PDE7B: variants seen among roughly 807,000 people sequenced by gnomAD.
The protein encoded by PDE7B is 3',5'-cyclic-AMP phosphodiesterase 7B.
PDE7B carries 29 observed loss-of-function variants against 56.2 expected under a neutral mutation model. The observed-to-expected ratio is 0.52, with a 90% CI of 0.38 to 0.70. The LOEUF (loss-of-function observed/expected upper bound fraction) is 0.70, where lower values mean the gene tolerates loss of function less well. Ranked by LOEUF, PDE7B falls within the 30% of genes least tolerant of loss-of-function variation. The pLI is 0.00. For missense variants in PDE7B, 490 were observed against 565.0 expected (o/e 0.87, Z 1.35); for synonymous variants, 197 against 196.9 (o/e 1.00, Z 0.00).
chr6:136,030,245 A>G (rs552178478), intron 2 of PDE7B, among the ~76,000 whole-genome samples: 5 of 152,342 alleles, frequency 3.3e-5, no homozygotes, highest in Admixed American at 6.5e-5. Flanking sequence ...AGTTAACTGT[A>G]CATATTTTTA....
chr6:136,092,192 A>G (rs1391648716), intron 2 of PDE7B, among the ~76,000 whole-genome samples: 1 of 152,240 alleles, frequency 6.6e-6, no homozygotes, highest in East Asian at 1.9e-4. Context: ...GCTGTTTACC[A>G]TCTCCAAAAT....
chr6:136,016,742 A>G (rs895388108), intron 2 of PDE7B, among the ~76,000 whole-genome samples: 1 of 152,160 alleles, frequency 6.6e-6, no homozygotes, highest in African/African-American at 2.4e-5. Context: ...ACAGAACTGG[A>G]AAGGCAGAAG....
chr6:135,875,476 A>T (rs1016753655), intron 1 of PDE7B, among the ~76,000 whole-genome samples: 1 of 152,174 alleles, frequency 6.6e-6, no homozygotes, highest in Non-Finnish European at 1.5e-5. Flanking sequence ...TAAGAAACTT[A>T]CTGAAATCAT....
chr6:135,934,786 A>C (rs1358583235), intron 1 of PDE7B, among the ~76,000 whole-genome samples: 1 of 120,590 alleles, frequency 8.3e-6, no homozygotes, highest in African/African-American at 3.3e-5. Context: ...TTTATTATAT[A>C]TATATTTTAA....
intron 2 of PDE7B, among the ~76,000 whole-genome samples, chr6:135,995,715 A>G (rs1392250257): frequency 6.6e-6 from 1 of 152,216 alleles, no homozygotes; most frequent in Non-Finnish European, 1.5e-5. Flanking sequence ...GCCCAGGGAT[A>G]CCAGCGCAAA....
At chr6:136,018,854 G>C (rs889306301) in intron 2 of PDE7B, among the ~76,000 whole-genome samples, 1 of 151,948 alleles carries the variant, frequency 6.6e-6, no homozygotes. Flanking sequence ...AAACTTTGGT[G>C]ATCTTGCTTC....
chr6:136,023,967 C>A (rs1434558761), intron 2 of PDE7B, among the ~76,000 whole-genome samples: 2 of 152,020 alleles, frequency 1.3e-5, no homozygotes, highest in Non-Finnish European at 2.9e-5. Context: ...AGGCTTTTTG[C>A]AATGCCATTA....
In PDE7B at chr6:136,047,530, A is replaced by G. The variant is rs554846084; in HGVS notation, c.83-61201A>G. On this transcript the variant is annotated intron_variant, in intron 2 of 12. Transcript: ENST00000308191. ...GAATGTAAATAGACAAAATTGGACT[A>G]AAACAAATTTTGTTTTGAAAAATTT... The G allele has an allele frequency of 1.3e-4, 20 of 152,112 alleles. No homozygotes were observed. In the East Asian group the frequency reaches 3.9e-3, roughly 29 times the overall value. The allele number at this position is 152,112 out of a possible 1,614,324, so 9.4% of individuals were successfully genotyped here.
In PDE7B at chr6:136,138,430, T is replaced by G. The variant is rs149314233; in HGVS notation, c.167-8921T>G. ...TTCCTCCCATCTTCAGCTTCTTATA[T>G]CTTCGTTTTTCTTTATCTCACAAAA... On this transcript the variant is annotated intron_variant, in intron 3 of 12. Transcript: ENST00000308191. Among the ~76,000 whole-genome samples the G allele has an allele frequency of 3.9e-5, 6 of 152,094 alleles. No individual in the cohort carries two copies. In the East Asian group the frequency reaches 1.2e-3, roughly 29 times the overall value.
chr6:136,043,973 T>A (rs939260930), intron 2 of PDE7B: 12 of 152,314 alleles, frequency 7.9e-5, no homozygotes, highest in Middle Eastern at 3.4e-3. Context: ...TTGTCATTAT[T>A]GCCCTCTGAG....
intron 2 of PDE7B, among the ~76,000 whole-genome samples, chr6:136,107,853 G>T (rs964171305): frequency 5.9e-5 from 9 of 152,146 alleles, no homozygotes; most frequent in African/African-American, 2.2e-4. Flanking sequence ...AACCAGCCAG[G>T]CGTGGTGGCT....
chr6:136,120,991 T>A (rs1777924618), intron 3 of PDE7B, among the ~76,000 whole-genome samples: 1 of 152,152 alleles, frequency 6.6e-6, no homozygotes, highest in Non-Finnish European at 1.5e-5. Context: ...ATTATAACCT[T>A]GTGTCTGACT....
At chr6:135,979,929 T>G (rs199637782) in intron 2 of PDE7B, among the ~76,000 whole-genome samples, 14 of 152,146 alleles carry the variant, frequency 9.2e-5, no homozygotes, top group South Asian at 2.1e-4. Context: ...TCACAGAATT[T>G]GAAAAAACTA....
chr6:136,181,594 G>C (rs1394458737), intron 11 of PDE7B, among the ~76,000 whole-genome samples: 1 of 152,184 alleles, frequency 6.6e-6, no homozygotes, highest in Non-Finnish European at 1.5e-5. Context: ...GATTATAAAT[G>C]GCTCTCCTCT....
intron 2 of PDE7B, among the ~76,000 whole-genome samples, chr6:136,076,309 C>T (rs753064993): frequency 3.9e-5 from 6 of 152,060 alleles, no homozygotes; most frequent in African/African-American, 7.2e-5. Flanking sequence ...CCCGTCTCTA[C>T]TAAAAATACA....
intron 8 of PDE7B, among the ~76,000 whole-genome samples, chr6:136,169,280 C>T (rs1184075189): frequency 2.0e-5 from 3 of 152,096 alleles, no homozygotes; most frequent in South Asian, 4.1e-4. Flanking sequence ...ATTTCCACCG[C>T]GGTTCTGGCC....
At chr6:135,906,388 T>G (rs184112551) in intron 1 of PDE7B, among the ~76,000 whole-genome samples, 257 of 152,326 alleles carry the variant, frequency 1.7e-3, no homozygotes, top group African/African-American at 5.6e-3. Context: ...TTAGGGAAAC[T>G]GCAAGCTCTC....
At chr6:135,859,442 A>G (rs1775103260) in intron 1 of PDE7B, among the ~76,000 whole-genome samples, 1 of 152,052 alleles carries the variant, frequency 6.6e-6, no homozygotes, top group Non-Finnish European at 1.5e-5. Flanking sequence ...GTTTGGAGTA[A>G]AAAATAATCT....
In PDE7B at chr6:136,074,262, T is replaced by A. The variant is rs558474875; in HGVS notation, c.83-34469T>A. On this transcript the variant is annotated intron_variant, in intron 2 of 12. Coordinates refer to ENST00000308191, the MANE Select transcript of PDE7B (RefSeq NM_018945.4). ...AAAAAAAGGCGGGGGGGATTTGGGG[T>A]TTTTTTGTTGTTTAAGGGTTTTTTA... 6.7e-4 allele frequency among the ~76,000 whole-genome samples: 100 copies of A among 149,966 alleles called. 1 individual carries two copies. In the South Asian group the frequency reaches 0.015, roughly 23 times the overall value.
Sources: allele counts gnomAD v4.1 joint callset (sites outside exome capture counted in the v4.1 genomes callset), GRCh38; gene constraint gnomAD v4.1.1; transcripts MANE v1.5; gene names NCBI Gene and HGNC (gene_info 2026-07-23, HGNC 2026-07-21).